The following FSTL5 variants were observed in gnomAD, a reference collection of about 807,000 sequenced individuals.
FSTL5 encodes follistatin-related protein 5.
Under a neutral mutation model 89.1 loss-of-function variants are expected in FSTL5, and 62 were observed. The ratio of observed to expected loss-of-function variants is 0.70; its 90% CI spans 0.57 to 0.86. FSTL5 has a LOEUF of 0.86. Among genes scored for constraint, FSTL5 ranks in the 40% least tolerant of loss-of-function variants. The pLI, the probability that FSTL5 is intolerant of heterozygous loss-of-function variation, is 0.00. For missense variants in FSTL5, 1,057 were observed against 1,001.6 expected, an observed-to-expected ratio of 1.06 and a Z score of -0.75; for synonymous variants, 383 against 346.2, an observed-to-expected ratio of 1.11 and a Z score of -1.18.
chr4:161,963,280 A>C (rs985477122), intron 3 of FSTL5, among the ~76,000 whole-genome samples: 1 of 151,966 alleles, frequency 6.6e-6, no homozygotes, highest in Non-Finnish European at 1.5e-5. Context: ...TATTAAAATA[A>C]TATATTTTTA....
At chr4:161,476,118 C>T (rs1375760827) in intron 13 of FSTL5, among the ~76,000 whole-genome samples, 1 of 137,482 alleles carries the variant, frequency 7.3e-6, no homozygotes, top group Non-Finnish European at 1.5e-5. Context: ...GCATTCAAAT[C>T]TAATAATTGT....
intron 2 of FSTL5, among the ~76,000 whole-genome samples, chr4:162,064,793 T>C (rs904293258): frequency 6.6e-6 from 1 of 152,038 alleles, no homozygotes; most frequent in African/African-American, 2.4e-5. Context: ...AATTACGTAC[T>C]CTTTGACCAA....
At chr4:161,502,267 T>C (rs530256334) in intron 11 of FSTL5, among the ~76,000 whole-genome samples, 3 of 152,058 alleles carry the variant, frequency 2.0e-5, no homozygotes, top group South Asian at 4.1e-4. Flanking sequence ...TTTGTTGCAC[T>C]GGTGGAATTT....
At chr4:161,797,807 A>G (rs1343176998) in intron 4 of FSTL5, among the ~76,000 whole-genome samples, 3 of 151,608 alleles carry the variant, frequency 2.0e-5, no homozygotes, top group Non-Finnish European at 3.0e-5. Context: ...GAAATATTTC[A>G]ATTATAAACC....
chr4:162,102,901 C>T (rs984100262), intron 2 of FSTL5, among the ~76,000 whole-genome samples: 1 of 151,364 alleles, frequency 6.6e-6, no homozygotes, highest in African/African-American at 2.4e-5. Flanking sequence ...AATGCTGATG[C>T]AACACTTTTT....
At chr4:161,842,239 C>A (rs1005548948) in intron 4 of FSTL5, among the ~76,000 whole-genome samples, 1 of 151,966 alleles carries the variant, frequency 6.6e-6, no homozygotes, top group Non-Finnish European at 1.5e-5. Context: ...CCAAGTTGGC[C>A]CCCATGCTTG....
intron 6 of FSTL5, among the ~76,000 whole-genome samples, chr4:161,683,749 T>C (rs966192801): frequency 3.9e-5 from 6 of 152,120 alleles, no homozygotes; most frequent in Non-Finnish European, 8.8e-5. Context: ...TTAAAATTAA[T>C]TATATTTATT....
At chr4:161,551,536 T>C (rs886401966) in intron 8 of FSTL5, among the ~76,000 whole-genome samples, 3 of 151,948 alleles carry the variant, frequency 2.0e-5, no homozygotes, top group African/African-American at 7.2e-5. Flanking sequence ...AAGTCAATCC[T>C]AAGCCAAAAG....
At chr4:161,573,753 A>AG (rs1560960343) in intron 8 of FSTL5, among the ~76,000 whole-genome samples, 1 of 131,544 alleles carries the variant, frequency 7.6e-6, no homozygotes, top group Non-Finnish European at 1.6e-5. Flanking sequence ...AAAAAAAAAA[A>AG]AAAAGAAAAG....
chr4:161,776,012 G>C lies in FSTL5; in HGVS notation c.472C>G (p.Gln158Glu), dbSNP rs1420457874. The change falls in exon 5 of 16, where the codon CAA (glutamine) becomes GAA (glutamate). Residue 158 changes from glutamine (Q) to glutamate (E), a missense_variant. Gln to Glu is a conservative substitution (Grantham distance 29). Around this residue, in one of 3 missense-constraint regions of FSTL5, gnomAD observed 980 missense variants for 903.2 expected, o/e 1.08. Transcript: ENST00000306100. The stretch of plus-strand genomic sequence containing the variant: ...TCATTTTCTTGCATAATATATTTTT[G>C]ATTTTGTAAATCTAATAGCATATTT... ...MKNMLLDLQNQKYIMQENENP... is the reference protein window; with the variant it reads ...MKNMLLDLQNEKYIMQENENP... 1.4e-5 allele frequency: 23 copies of C among 1,592,308 alleles called. No individual in the cohort carries two copies. The highest frequency in any genetic ancestry group is 2.3e-5 in the East Asian group (1 of 44,178).
intron 13 of FSTL5, among the ~76,000 whole-genome samples, chr4:161,461,023 T>C (rs1733549742): frequency 6.6e-6 from 1 of 151,028 alleles, no homozygotes; most frequent in Non-Finnish European, 1.5e-5. Flanking sequence ...TTTCTGAGAA[T>C]AATACTCCAT....
chr4:161,471,761 A>G (rs760831397), intron 13 of FSTL5, among the ~76,000 whole-genome samples: 19 of 151,850 alleles, frequency 1.3e-4, no homozygotes, highest in Non-Finnish European at 2.4e-4. Context: ...TTCTATTTTA[A>G]TTTAGTCTTG....
At chr4:161,408,439 T>G (rs2110927711) in intron 15 of FSTL5, among the ~76,000 whole-genome samples, 1 of 152,250 alleles carries the variant, frequency 6.6e-6, no homozygotes, top group South Asian at 2.1e-4. Context: ...ATACTCAATT[T>G]AAATCACAAT....
chr4:161,919,695 A>G (rs763016297), intron 4 of FSTL5, among the ~76,000 whole-genome samples: 8 of 152,208 alleles, frequency 5.3e-5, no homozygotes, highest in Non-Finnish European at 8.8e-5. Flanking sequence ...TATAAACGAG[A>G]AAATATTTCC....
intron 10 of FSTL5, among the ~76,000 whole-genome samples, chr4:161,518,654 G>T (rs1730923159): frequency 6.6e-6 from 1 of 152,020 alleles, no homozygotes; most frequent in Non-Finnish European, 1.5e-5. Flanking sequence ...CCACGACAAG[G>T]TAAGAATTGT....
intron 4 of FSTL5, among the ~76,000 whole-genome samples, chr4:161,904,665 A>C (rs915429466): frequency 6.6e-6 from 1 of 151,834 alleles, no homozygotes; most frequent in Admixed American, 6.6e-5. Context: ...CCCCCAAAAT[A>C]TGTAAACATC....
chr4:161,920,501 G>A lies in FSTL5; in HGVS notation c.312C>T (p.Asp104=), dbSNP rs359502. 0.022 allele frequency: 35,190 copies of A among 1,612,772 alleles called. 2,225 individuals carry two copies. Among genetic ancestry groups the A allele is most frequent in the African/African-American group, 0.2 (14,922 of 74,584 alleles). ...KRHYKPVCGS[D]GEFYENHCEV... ...CACAGTGGTTTTCATAGAATTCTCC[G>A]TCAGATCCACACACAGGTTTGTAGT... is the stretch of plus-strand genomic sequence containing the variant. The change falls in exon 4 of 16, where the codon GAC becomes GAT. Residue 104 remains aspartate (D), a synonymous_variant. Coordinates refer to ENST00000306100, the MANE Select transcript of FSTL5 (RefSeq NM_020116.5).
Position 161,385,676 on chromosome 4 carries a change from G to A in FSTL5, c.*71C>T. On this transcript the variant is annotated 3_prime_UTR_variant, in exon 16 of 16. Transcript: ENST00000306100. ...GGATATAAACTTGGAAAGTTAAGTT[G>A]TAAATTTAAACAATGGATTAAGTGC... is the stretch of plus-strand genomic sequence containing the variant. 8.6e-7 allele frequency: 1 copy of A among 1,162,260 alleles called. No individual in the cohort carries two copies. The highest frequency in any genetic ancestry group is 1.2e-6 in the Non-Finnish European group (1 of 816,412). 72.0% of individuals were successfully genotyped at this position (1,162,260 alleles called of 1,614,324 possible).
At chr4:161,740,321 G>C (rs773055369) in intron 6 of FSTL5, among the ~76,000 whole-genome samples, 2 of 152,036 alleles carry the variant, frequency 1.3e-5, no homozygotes, top group Non-Finnish European at 2.9e-5. Flanking sequence ...GGCCCGGCCT[G>C]AAATAGTATA....
Sources: allele counts gnomAD v4.1 joint callset (sites outside exome capture counted in the v4.1 genomes callset), GRCh38; gene constraint gnomAD v4.1.1; regional missense constraint gnomAD v4.1.1; transcripts MANE v1.5; gene names NCBI Gene and HGNC (gene_info 2026-07-23, HGNC 2026-07-21).